Variants in LRRC63 observed in about 807,000 individuals in gnomAD.
LRRC63 encodes leucine rich repeat containing 63, also known as leucine-rich repeat-containing protein 63.
Under a neutral mutation model 49.5 loss-of-function variants are expected in LRRC63, and 40 were observed. The observed-to-expected ratio is 0.81, with a 90% CI of 0.63 to 1.05. The LOEUF is 1.05. Among genes scored for constraint, LRRC63 ranks in the 50% least tolerant of loss-of-function variants. The probability of loss-of-function intolerance (pLI) is 0.00; values close to 1 mark genes in which losing one functional copy is unlikely to be tolerated. For synonymous variants in LRRC63, 191 were observed against 221.1 expected (o/e 0.86, Z 1.21); for missense variants, 636 against 663.1 (o/e 0.96, Z 0.45).
At chr13:46,227,643 A>G (rs2046614730) in exon 3 of LRRC63, 1 of 1,550,262 alleles carries the variant, frequency 6.5e-7, no homozygotes, top group East Asian at 2.4e-5. Flanking sequence ...TATCCAAAAT[A>G]TCTTTCTTGA....
intron 4 of LRRC63, among the ~76,000 whole-genome samples, chr13:46,229,645 G>A (rs1032742277): frequency 6.6e-6 from 1 of 152,142 alleles, no homozygotes; most frequent in Non-Finnish European, 1.5e-5. Context: ...ATACAAGCTG[G>A]GCACAGTGGA....
chr13:46,223,734 T>C (rs2046484321), intron 2 of LRRC63, among the ~76,000 whole-genome samples: 1 of 152,100 alleles, frequency 6.6e-6, no homozygotes, highest in South Asian at 2.1e-4. Flanking sequence ...TGTGGGCCTG[T>C]AATCCCAGCT....
At chr13:46,266,565 A>G (rs1411329837) in intron 8 of LRRC63, among the ~76,000 whole-genome samples, 168 bp from the exon 9 acceptor site, 1 of 152,176 alleles carries the variant, frequency 6.6e-6, no homozygotes, top group East Asian at 1.9e-4. Context: ...TATTGGTTCT[A>G]TTGCTTTATA....
intron 8 of LRRC63, among the ~76,000 whole-genome samples, chr13:46,263,354 T>C (rs2047640786): frequency 6.6e-6 from 1 of 152,006 alleles, no homozygotes; most frequent in African/African-American, 2.4e-5. Flanking sequence ...TTTTTATATT[T>C]TGTAGAGATG....
intron 9 of LRRC63, chr13:46,270,528 A>T: frequency 1.2e-6 from 1 of 813,618 alleles, no homozygotes; most frequent in Non-Finnish European, 2.2e-6. Flanking sequence ...CCCAAATTTG[A>T]AGAAAGTAAA....
At chr13:46,239,495 A>G (rs2046994581) in intron 5 of LRRC63, among the ~76,000 whole-genome samples, 1 of 152,200 alleles carries the variant, frequency 6.6e-6, no homozygotes, top group Non-Finnish European at 1.5e-5. Flanking sequence ...TCAGTAATAA[A>G]TAGCCCACCA....
intron 7 of LRRC63, among the ~76,000 whole-genome samples, chr13:46,255,645 A>AATATATATATATATCTAT (rs2047490982): frequency 7.7e-6 from 1 of 129,468 alleles, no homozygotes; most frequent in African/African-American, 2.9e-5. Context: ...CCCTGCCTCA[A>AATATATATATATATCTAT]ATATATATAT....
Position 46,270,121 on chromosome 13 carries a change from C to T in LRRC63, c.1550+3149C>T, listed in dbSNP as rs878933774. 7.9e-5 allele frequency: 53 copies of T among 669,486 alleles called. No individual in the cohort carries two copies. In the South Asian group the frequency reaches 8.2e-4, roughly 10 times the overall value. The allele number at this position is 669,486 out of a possible 1,614,324, so 41.5% of individuals were successfully genotyped here. On this transcript the variant is annotated intron_variant, in intron 9 of 9. Transcript: ENST00000595396. ...CCGCAGAGCCGGTGGTGCCTTTGTT[C>T]GTGGATCAATACTTCACTCGCTGGT...
At chr13:46,231,692 T>C (rs1175287303) in intron 4 of LRRC63, among the ~76,000 whole-genome samples, 1 of 151,432 alleles carries the variant, frequency 6.6e-6, no homozygotes, top group Non-Finnish European at 1.5e-5. Context: ...GTATTTTTCA[T>C]AGATACAGGG....
intron 2 of LRRC63, among the ~76,000 whole-genome samples, chr13:46,215,485 GT>G (rs2046224405): frequency 6.6e-6 from 1 of 151,634 alleles, no homozygotes; most frequent in Non-Finnish European, 1.5e-5. Context: ...TTGTAAATAT[GT>G]TTAAGTTCCT....
At chr13:46,275,157 C>G (rs1004369413) in intron 9 of LRRC63, among the ~76,000 whole-genome samples, 3 of 152,136 alleles carry the variant, frequency 2.0e-5, no homozygotes, top group African/African-American at 7.2e-5. Context: ...AGATTTTATT[C>G]CTTTTATAGC....
Position 46,234,268 on chromosome 13 carries a change from A to T in LRRC63, c.909A>T (p.Thr303=), listed in dbSNP as rs116963854. ...AAGGTTTTAAGACTGTTGCAGCAACACGATATGAAACAATAACAGCCATGA... is the reference window on the plus strand; with the variant it reads ...AAGGTTTTAAGACTGTTGCAGCAACTCGATATGAAACAATAACAGCCATGA... The change falls in exon 5 of 10, where the codon ACA becomes ACT. Residue 303 remains threonine (T), a synonymous_variant. Coordinates refer to ENST00000595396, the Ensembl canonical transcript of LRRC63. The T allele has an allele frequency of 7.7e-4, 1,193 of 1,550,322 alleles. 22 individuals are homozygous for T. The East Asian group carries it at 0.026, about 34-fold the overall frequency.
At chr13:46,268,036 A>G (rs2047705821) in intron 9 of LRRC63, among the ~76,000 whole-genome samples, 1 of 152,212 alleles carries the variant, frequency 6.6e-6, no homozygotes, top group South Asian at 2.1e-4. Context: ...ATATTAGCTC[A>G]CAGCTTAAAG....
At chr13:46,273,748 C>T (rs11619510) in intron 9 of LRRC63, among the ~76,000 whole-genome samples, 10,525 of 151,602 alleles carry the variant, frequency 0.069, 473 homozygotes, top group African/African-American at 0.12. Context: ...CCAGTCTCTA[C>T]TAAAATTACA....
rs1193495050 is a variant in LRRC63 at position 46,261,997 on chromosome 13, T to G, written c.1310+5T>G. ...AAATGAAATTCAGAAACTCAGGTATTTTGGAAGTACACAGAAAGTTATATG... is the reference window on the plus strand; with the variant it reads ...AAATGAAATTCAGAAACTCAGGTATGTTGGAAGTACACAGAAAGTTATATG... On this transcript the variant is annotated splice_donor_5th_base_variant and intron_variant, in intron 8 of 9. Coordinates refer to ENST00000595396, the Ensembl canonical transcript of LRRC63. 3 of 1,058,348 alleles carry G rather than the reference T, an allele frequency of 2.8e-6. No individual in the cohort carries two copies. Among genetic ancestry groups the G allele is most frequent in the Non-Finnish European group, 3.7e-6 (3 of 812,680 alleles). 65.6% of individuals were successfully genotyped at this position (1,058,348 alleles called of 1,614,324 possible).
rs2047841692 is a variant in LRRC63 at position 46,276,697 on chromosome 13, T to C, written c.1658T>C (p.Val553Ala). Reference sequence around the variant, plus strand: ...TCACAGCTTCCAGTTATGTTTTATGTCTGTTCTCCTTCTTGCTATAGAAGA... The same window carrying C: ...TCACAGCTTCCAGTTATGTTTTATGCCTGTTCTCCTTCTTGCTATAGAAGA... Residue 553 changes from valine (V) to alanine (A), a missense_variant, in exon 10 of 10, where the codon GTC (valine) becomes GCC (alanine). Coordinates refer to ENST00000595396, the Ensembl canonical transcript of LRRC63. 5 of 1,230,130 alleles carry C rather than the reference T, an allele frequency of 4.1e-6. No homozygotes were observed. The Admixed American group carries it at 1.7e-4, about 42-fold the overall frequency. 76.2% of individuals were successfully genotyped at this position (1,230,130 alleles called of 1,614,324 possible).
intron 6 of LRRC63, 37 bp downstream of exon 6, chr13:46,246,662 TGTC>T (rs1478801461): frequency 1.2e-5 from 11 of 888,532 alleles, no homozygotes; most frequent in African/African-American, 1.7e-5. Context: ...TGATATAACT[TGTC>T]GTGAATAATA....
At chr13:46,241,206 A>G (rs200404397) in intron 5 of LRRC63, among the ~76,000 whole-genome samples, 2 of 152,242 alleles carry the variant, frequency 1.3e-5, no homozygotes, top group African/African-American at 4.8e-5. Context: ...AAAGCTGACA[A>G]AAACAAGCAA....
At chr13:46,245,160 A>C (rs1313471856) in intron 5 of LRRC63, among the ~76,000 whole-genome samples, 1 of 152,218 alleles carries the variant, frequency 6.6e-6, no homozygotes, top group Non-Finnish European at 1.5e-5. Flanking sequence ...AGAACAATCT[A>C]AATGTGTATA....
Sources: allele counts gnomAD v4.1 joint callset (sites outside exome capture counted in the v4.1 genomes callset), GRCh38; gene constraint gnomAD v4.1.1; transcripts MANE v1.5; gene names NCBI Gene and HGNC (gene_info 2026-07-23, HGNC 2026-07-21).